The following GHR variants were observed in gnomAD, a reference collection of about 807,000 sequenced individuals.
The protein encoded by GHR is growth hormone receptor.
GHR carries 35 observed loss-of-function variants against 67.1 expected under a neutral mutation model. The observed-to-expected ratio is 0.52, with a 90% CI of 0.40 to 0.69. The LOEUF is 0.69. Among genes scored for constraint, GHR ranks in the 30% least tolerant of loss-of-function variants. GHR has a pLI of 0.00. For synonymous variants in GHR, 272 were observed against 269.1 expected (o/e 1.01, Z -0.10); for missense variants, 792 against 764.6 (o/e 1.04, Z -0.42).
chr5:42,479,323 C>T (rs1214911562), intron 1 of GHR, among the ~76,000 whole-genome samples: 1 of 152,152 alleles, frequency 6.6e-6, no homozygotes, highest in Non-Finnish European at 1.5e-5. Context: ...CAATGTTCAT[C>T]AAGGATATTG....
At position 42,586,624 on chromosome 5, in the gene GHR, G is replaced by A. The variant is rs536440390; in HGVS notation, c.70+20680G>A. ...CTCTTAGCTGCTCAATTTTGTACAG[G>A]TGACTTGCATGAAAGCAAAATGTAT... is the stretch of plus-strand genomic sequence containing the variant. On this transcript the variant is annotated intron_variant, in intron 2 of 9. Coordinates refer to ENST00000230882, the MANE Select transcript of GHR (RefSeq NM_000163.5). Among the ~76,000 whole-genome samples the A allele has an allele frequency of 2.3e-3, 354 of 152,262 alleles. 1 individual carries two copies. Among genetic ancestry groups the A allele is most frequent in the African/African-American group, 8.2e-3 (340 of 41,552 alleles).
intron 1 of GHR, among the ~76,000 whole-genome samples, chr5:42,524,899 G>A (rs1445028943): frequency 6.6e-6 from 1 of 152,228 alleles, no homozygotes; most frequent in African/African-American, 2.4e-5. Flanking sequence ...GCCTGTGGGT[G>A]CACAAAAGTC....
chr5:42,653,187 C>T (rs1399776524), intron 3 of GHR, among the ~76,000 whole-genome samples: 1 of 152,082 alleles, frequency 6.6e-6, no homozygotes, highest in Non-Finnish European at 1.5e-5. Flanking sequence ...ATAATAGTAG[C>T]AGAATTTCCT....
chr5:42,483,319 T>A (rs1362035923), intron 1 of GHR, among the ~76,000 whole-genome samples: 1 of 152,180 alleles, frequency 6.6e-6, no homozygotes, highest in Non-Finnish European at 1.5e-5. Flanking sequence ...CCCAAAGTGC[T>A]GAAATTACAG....
chr5:42,463,685 G>A (rs1176235077), intron 1 of GHR, among the ~76,000 whole-genome samples: 2 of 152,084 alleles, frequency 1.3e-5, no homozygotes, highest in African/African-American at 2.4e-5. Flanking sequence ...TTTTCAAAAC[G>A]GAAAATACCT....
At chr5:42,654,200 G>A (rs1755139500) in intron 3 of GHR, among the ~76,000 whole-genome samples, 3 of 152,150 alleles carry the variant, frequency 2.0e-5, no homozygotes, top group Admixed American at 2.0e-4. Context: ...CTGAATGAAT[G>A]TAGGTAAGAT....
At position 42,467,067 on chromosome 5, in the gene GHR, A is replaced by G. The variant is rs1744763742; in HGVS notation, c.-12+43112A>G. Reference sequence around the variant, plus strand: ...TACACATGTAAGGTTTTTCTCCATTATGGATTCTCTGATGAATAAGTAGGT... The same window carrying G: ...TACACATGTAAGGTTTTTCTCCATTGTGGATTCTCTGATGAATAAGTAGGT... On this transcript the variant is annotated intron_variant, in intron 1 of 9. Coordinates refer to ENST00000230882, the MANE Select transcript of GHR (RefSeq NM_000163.5). 13 of 1,576,126 alleles carry G rather than the reference A, an allele frequency of 8.2e-6. No homozygotes were observed. The South Asian group carries it at 1.5e-4, about 18-fold the overall frequency.
chr5:42,576,046 T>TAAATAAAATAA (rs66522211), intron 2 of GHR, among the ~76,000 whole-genome samples: 1 of 55,884 alleles, frequency 1.8e-5, no homozygotes, highest in African/African-American at 6.9e-5. Flanking sequence ...AAAATTAAAA[T>TAAATAAAATAA]AATAAAATAA....
At chr5:42,534,807 T>A (rs912853304) in intron 1 of GHR, among the ~76,000 whole-genome samples, 1 of 152,076 alleles carries the variant, frequency 6.6e-6, no homozygotes, top group Non-Finnish European at 1.5e-5. Context: ...GATCACCGCA[T>A]TCATGCCAAC....
intron 2 of GHR, among the ~76,000 whole-genome samples, chr5:42,582,881 A>G (rs879899652): frequency 6.6e-6 from 1 of 152,140 alleles, no homozygotes; most frequent in Non-Finnish European, 1.5e-5. Context: ...TGCTCACCCC[A>G]CCACGGCAGC....
At chr5:42,431,675 C>T (rs1229034550) in intron 1 of GHR, among the ~76,000 whole-genome samples, 1 of 152,160 alleles carries the variant, frequency 6.6e-6, no homozygotes, top group Admixed American at 6.5e-5. Flanking sequence ...AGCCAGTTTT[C>T]TTTAGGCTAA....
At chr5:42,478,287 C>A (rs1379838702) in intron 1 of GHR, among the ~76,000 whole-genome samples, 2 of 152,140 alleles carry the variant, frequency 1.3e-5, no homozygotes, top group South Asian at 2.1e-4. Context: ...GTTACTGTAG[C>A]CTAGTAGTAT....
chr5:42,596,406 C>A (rs912475052), intron 2 of GHR, among the ~76,000 whole-genome samples: 3 of 152,260 alleles, frequency 2.0e-5, no homozygotes, highest in African/African-American at 7.2e-5. Context: ...TCACAGTAGG[C>A]TGGCTGGAGT....
chr5:42,709,924 G>A (rs1758371533), intron 6 of GHR, among the ~76,000 whole-genome samples: 1 of 151,966 alleles, frequency 6.6e-6, no homozygotes, highest in Admixed American at 6.6e-5. Flanking sequence ...GGAATATGAA[G>A]AGAGGACCAC....
intron 3 of GHR, among the ~76,000 whole-genome samples, chr5:42,664,902 A>C (rs142011887): frequency 0.011 from 1,615 of 152,330 alleles, 26 homozygotes; most frequent in African/African-American, 0.037. Flanking sequence ...CTACAGGAAA[A>C]AAACAAACAA....
intron 2 of GHR, among the ~76,000 whole-genome samples, chr5:42,589,123 A>G (rs1005472152): frequency 6.6e-6 from 1 of 152,234 alleles, no homozygotes; most frequent in African/African-American, 2.4e-5. Context: ...GCTCATAGAA[A>G]TAATCTAACC....
chr5:42,619,205 T>C (rs1753317176), intron 2 of GHR, among the ~76,000 whole-genome samples: 1 of 152,052 alleles, frequency 6.6e-6, no homozygotes, highest in Non-Finnish European at 1.5e-5. Context: ...GAATCTGACA[T>C]GGTGAACAGT....
intron 1 of GHR, among the ~76,000 whole-genome samples, chr5:42,526,920 G>C (rs1479829939): frequency 6.6e-6 from 1 of 152,078 alleles, no homozygotes; most frequent in Non-Finnish European, 1.5e-5. Flanking sequence ...AGAGATTGGG[G>C]GCCTATATTC....
chr5:42,475,907 A>T (rs945316846), intron 1 of GHR, among the ~76,000 whole-genome samples: 257 of 144,512 alleles, frequency 1.8e-3, no homozygotes, highest in African/African-American at 4.5e-3. Context: ...CAGATTAAAA[A>T]TTTTTTTTTT....
Sources: allele counts gnomAD v4.1 joint callset (sites outside exome capture counted in the v4.1 genomes callset), GRCh38; gene constraint gnomAD v4.1.1; transcripts MANE v1.5; gene names NCBI Gene and HGNC (gene_info 2026-07-23, HGNC 2026-07-21).